Variants in GPD1L observed in about 807,000 individuals in gnomAD.
GPD1L encodes glycerol-3-phosphate dehydrogenase 1 like.
In GPD1L, 17 loss-of-function variants were observed where a neutral mutation model predicts 32.9. The ratio of observed to expected loss-of-function variants is 0.52; its 90% CI spans 0.35 to 0.78. The LOEUF (loss-of-function observed/expected upper bound fraction) is 0.78. Ranked by LOEUF, GPD1L falls within the 30% of genes least tolerant of loss-of-function variation. GPD1L has a pLI of 0.01. For synonymous variants in GPD1L, 187 were observed against 165.9 expected (o/e 1.13, Z -0.98); for missense variants, 361 against 447.8 (o/e 0.81, Z 1.75).
intron 4 of GPD1L, among the ~76,000 whole-genome samples, chr3:32,144,674 G>A (rs1367155137): frequency 6.6e-6 from 1 of 151,680 alleles, no homozygotes; most frequent in Non-Finnish European, 1.5e-5. Context: ...TTTATTACTG[G>A]GGTTTGTTGT....
intron 1 of GPD1L, among the ~76,000 whole-genome samples, chr3:32,114,167 T>C (rs2125468996): frequency 6.6e-6 from 1 of 152,360 alleles, no homozygotes. Flanking sequence ...GCTGGGACTC[T>C]TGGTCCTAGA....
At position 32,106,806 on chromosome 3, in the gene GPD1L, CT is replaced by C; in HGVS notation, c.47+49del. ...CCGGGGCTCCGCTTCCAGGAAGCGC[CT>C]CTCCCGGGCGGTGAGGGCTGCGCGC... On this transcript the variant is annotated intron_variant, in intron 1 of 7. Transcript: ENST00000282541. The surrounding 1 kb of genome is among the most constrained non-coding windows in gnomAD (Gnocchi z 4.0). 1 of 1,527,536 alleles carries C rather than the reference CT, an allele frequency of 6.5e-7. No homozygotes were observed. Among genetic ancestry groups the C allele is most frequent in the Non-Finnish European group, 8.8e-7 (1 of 1,134,968 alleles). 94.6% of individuals were successfully genotyped at this position (1,527,536 alleles called of 1,614,324 possible). A position where few individuals can be genotyped will look rare whatever the true frequency, so the allele number is the denominator to read the frequency against.
chr3:32,120,741 C>T (rs922430324), intron 1 of GPD1L, among the ~76,000 whole-genome samples: 5 of 152,070 alleles, frequency 3.3e-5, no homozygotes, highest in African/African-American at 1.2e-4. Flanking sequence ...TATACATAAC[C>T]CAGTCTCCAA....
intron 1 of GPD1L, among the ~76,000 whole-genome samples, 171 bp from the exon 2 acceptor site, chr3:32,127,905 A>G (rs554730119): frequency 6.6e-6 from 1 of 151,850 alleles, no homozygotes; most frequent in South Asian, 2.1e-4. Context: ...GTGGTATTCC[A>G]TGTGAAAACA....
At chr3:32,120,415 A>G (rs1286559028) in intron 1 of GPD1L, among the ~76,000 whole-genome samples, 1 of 152,244 alleles carries the variant, frequency 6.6e-6, no homozygotes, top group African/African-American at 2.4e-5. Context: ...GAAAAAGTTC[A>G]GGGAAATTTA....
chr3:32,140,419 A>G lies in GPD1L; in HGVS notation c.505+53A>G, dbSNP rs1700726866. ...GAGTCTGGACATTTGATGTTTGAAC[A>G]TGTACATATTCCATTTCTGATATTT... On this transcript the variant is annotated intron_variant, in intron 4 of 7. Coordinates refer to ENST00000282541, the MANE Select transcript of GPD1L (RefSeq NM_015141.4). 7.0e-6 allele frequency: 11 copies of G among 1,577,106 alleles called. No homozygotes were observed. The Admixed American group carries it at 1.8e-4, about 26-fold the overall frequency.
chr3:32,108,978 T>C (rs1700207888), intron 1 of GPD1L, among the ~76,000 whole-genome samples: 1 of 152,208 alleles, frequency 6.6e-6, no homozygotes, highest in Admixed American at 6.5e-5. Flanking sequence ...GCCTCCTGAG[T>C]AGCTGGGACT....
At position 32,167,722 on chromosome 3, in the gene GPD1L, T is replaced by TCAA. The variant is rs1156732082; in HGVS notation, c.*1812_*1813insCAA. ...AGAATTTAAGTTACTTTGTGAGATT[T>TCAA]GGGCCTGTCCCTCAATGCCAGTTTA... On this transcript the variant is annotated 3_prime_UTR_variant, in exon 8 of 8. Coordinates refer to ENST00000282541, the MANE Select transcript of GPD1L (RefSeq NM_015141.4). 3 of 152,636 alleles carry TCAA rather than the reference T, an allele frequency of 2.0e-5. No individual in the cohort carries two copies. Among genetic ancestry groups the TCAA allele is most frequent in the Non-Finnish European group, 2.9e-5 (2 of 68,040 alleles). The allele number at this position is 152,636 out of a possible 1,614,324, so 9.5% of individuals were successfully genotyped here. A position where few individuals can be genotyped will look rare whatever the true frequency, so the allele number is the denominator to read the frequency against.
chr3:32,165,761 C>G (rs1305983858), intron 7 of GPD1L, 53 bp from the exon 8 acceptor site: 1 of 922,142 alleles, frequency 1.1e-6, no homozygotes, highest in African/African-American at 1.6e-5. Context: ...AACTTATTCT[C>G]TGAGGTAAAT....
intron 5 of GPD1L, among the ~76,000 whole-genome samples, chr3:32,150,417 T>G (rs1197924757): frequency 6.6e-6 from 1 of 150,976 alleles, no homozygotes; most frequent in African/African-American, 2.4e-5. Flanking sequence ...GCTGGGATTA[T>G]AGGTATGCAC....
chr3:32,146,275 A>G (rs147555726), intron 4 of GPD1L, among the ~76,000 whole-genome samples: 1,546 of 151,728 alleles, frequency 0.01, 83 homozygotes, highest in Admixed American at 0.093. Context: ...TTTAGTAGAG[A>G]TGGGGTTTCA....
chr3:32,158,983 G>A lies in GPD1L; in HGVS notation c.726G>A (p.Arg242=), dbSNP rs72546649. Residue 242 remains arginine, a synonymous_variant, in exon 6 of 8, where the codon AGG becomes AGA. Transcript: ENST00000282541. Reference sequence around the variant, plus strand: ...TCATGGAAATGATTGCTTTTGCCAGGATCTTCTGCAAAGGCCAAGTGTCTA... The same window carrying A: ...TCATGGAAATGATTGCTTTTGCCAGAATCTTCTGCAAAGGCCAAGTGTCTA... ...LGLMEMIAFA[R]IFCKGQVSTA... is the part of the protein sequence containing the mutation. The A allele has an allele frequency of 3.1e-6, 5 of 1,613,986 alleles. No individual in the cohort carries two copies. The African/African-American group carries it at 4.0e-5, about 13-fold the overall frequency.
chr3:32,138,328 A>G (rs1291118736), intron 2 of GPD1L, among the ~76,000 whole-genome samples: 2 of 152,200 alleles, frequency 1.3e-5, no homozygotes, highest in Non-Finnish European at 2.9e-5. Context: ...TAGTGTTATT[A>G]GAGGTGCCTT....
intron 7 of GPD1L, among the ~76,000 whole-genome samples, chr3:32,163,764 C>CT (rs1332375492): frequency 6.6e-6 from 1 of 152,216 alleles, no homozygotes; most frequent in African/African-American, 2.4e-5. Flanking sequence ...CTTCATATCT[C>CT]TTGTTAACAT....
At chr3:32,126,820 GC>G in intron 1 of GPD1L, among the ~76,000 whole-genome samples, 1 of 152,162 alleles carries the variant, frequency 6.6e-6, no homozygotes. Flanking sequence ...AAGTACAGAT[GC>G]CTGATCCCAC....
intron 1 of GPD1L, among the ~76,000 whole-genome samples, chr3:32,125,752 A>T (rs767743770): frequency 6.6e-6 from 1 of 152,016 alleles, no homozygotes; most frequent in Admixed American, 6.5e-5. Context: ...CAAATAACAC[A>T]TTGCCTTTCC....
intron 1 of GPD1L, among the ~76,000 whole-genome samples, chr3:32,123,097 C>A (rs888566802): frequency 7.9e-5 from 12 of 152,080 alleles, no homozygotes; most frequent in African/African-American, 2.9e-4. Context: ...GAGACAGGAT[C>A]TCAGTATGTT....
chr3:32,122,737 G>A (rs994310325), intron 1 of GPD1L, among the ~76,000 whole-genome samples: 2 of 152,170 alleles, frequency 1.3e-5, no homozygotes, highest in Non-Finnish European at 2.9e-5. Context: ...ATACCTGGTC[G>A]TAGGATGCAA....
At chr3:32,114,047 G>T (rs1700291891) in intron 1 of GPD1L, among the ~76,000 whole-genome samples, 1 of 152,148 alleles carries the variant, frequency 6.6e-6, no homozygotes, top group Non-Finnish European at 1.5e-5. Flanking sequence ...TAGAGGTGGG[G>T]TCTCACTATG....
Sources: allele counts gnomAD v4.1 joint callset (sites outside exome capture counted in the v4.1 genomes callset), GRCh38; gene constraint gnomAD v4.1.1; non-coding constraint Gnocchi (gnomAD v3.1); transcripts MANE v1.5; gene names NCBI Gene and HGNC (gene_info 2026-07-23, HGNC 2026-07-21).